Variants in ARMC2 observed in about 807,000 individuals in gnomAD.
ARMC2 encodes the protein armadillo repeat containing 2.
In ARMC2, 67 loss-of-function variants were observed where a neutral mutation model predicts 90.3. That is an observed-to-expected ratio of 0.74 (90% CI 0.61 to 0.91). The LOEUF is 0.91. Ranked by LOEUF, ARMC2 falls within the 40% of genes least tolerant of loss-of-function variation. The pLI is 0.00. For missense variants in ARMC2, 920 were observed against 1,030.9 expected, an observed-to-expected ratio of 0.89 and a Z score of 1.47; for synonymous variants, 393 against 393.0, an observed-to-expected ratio of 1.00 and a Z score of 0.00.
chr6:108,893,460 G>T (rs1333887536), intron 5 of ARMC2, among the ~76,000 whole-genome samples: 10 of 152,170 alleles, frequency 6.6e-5, no homozygotes, highest in Admixed American at 6.5e-4. Flanking sequence ...TATCTGCAGG[G>T]ATCGGGGAAG....
At chr6:109,046,157 T>A in the ARMC2 span, among the ~76,000 whole-genome samples, 1 of 151,828 alleles carries the variant, frequency 6.6e-6, no homozygotes, top group African/African-American at 2.4e-5. Context: ...GAAGCTGGAC[T>A]GTACTGCTGC....
chr6:108,916,082 A>G (rs1773935337), intron 10 of ARMC2, among the ~76,000 whole-genome samples: 1 of 12,172 alleles, frequency 8.2e-5, no homozygotes, highest in Middle Eastern at 0.071. Context: ...GCTTAGAGGA[A>G]AAAAAAACAC....
chr6:108,967,098 G>A (rs1778424969), intron 17 of ARMC2, among the ~76,000 whole-genome samples: 1 of 152,198 alleles, frequency 6.6e-6, no homozygotes, highest in Admixed American at 6.5e-5. Flanking sequence ...TCTGCTGTTA[G>A]GGAAAGAATT....
chr6:109,036,797 A>C, the ARMC2 span, among the ~76,000 whole-genome samples: 14 of 152,290 alleles, frequency 9.2e-5, no homozygotes, highest in East Asian at 3.9e-4. Context: ...CCATTAGTAG[A>C]GTATCATATG....
chr6:108,909,534 C>T (rs1035083525), intron 8 of ARMC2, among the ~76,000 whole-genome samples: 5 of 151,746 alleles, frequency 3.3e-5, no homozygotes, highest in Admixed American at 2.0e-4. Flanking sequence ...AGAGAATTTT[C>T]TTTTCTTTTT....
the ARMC2 span, among the ~76,000 whole-genome samples, chr6:109,046,612 G>A: frequency 3.5e-5 from 5 of 141,036 alleles, no homozygotes; most frequent in Non-Finnish European, 7.9e-5. Context: ...GTCTGCGCCC[G>A]GCCGCCATCC....
chr6:108,994,926 G>C, the ARMC2 span, among the ~76,000 whole-genome samples: 3 of 151,924 alleles, frequency 2.0e-5, no homozygotes, highest in Non-Finnish European at 2.9e-5. Context: ...GAATGGTCTC[G>C]ATCTCCTGAC....
At chr6:109,022,198 T>C in the ARMC2 span, among the ~76,000 whole-genome samples, 1 of 152,138 alleles carries the variant, frequency 6.6e-6, no homozygotes, top group African/African-American at 2.4e-5. Context: ...GAATGAAGAA[T>C]GCCTTAAGCT....
chr6:108,964,414 T>C, intron 16 of ARMC2, 102 bp downstream of exon 16: 1 of 1,356,998 alleles, frequency 7.4e-7, no homozygotes, highest in Non-Finnish European at 1.0e-6. Flanking sequence ...CAAAGGTATT[T>C]CAACATTGGG....
At chr6:108,988,963 C>T in the ARMC2 span, among the ~76,000 whole-genome samples, 2 of 152,096 alleles carry the variant, frequency 1.3e-5, no homozygotes, top group Non-Finnish European at 2.9e-5. Context: ...GGGTACCAAG[C>T]AATAGTGTAT....
At chr6:108,858,804 C>A (rs967358076) in intron 3 of ARMC2, among the ~76,000 whole-genome samples, 1 of 152,110 alleles carries the variant, frequency 6.6e-6, no homozygotes, top group Non-Finnish European at 1.5e-5. Flanking sequence ...TAAGCTCTTT[C>A]GACACATCCT....
chr6:108,882,816 T>C (rs927912868), intron 5 of ARMC2, among the ~76,000 whole-genome samples: 9 of 152,228 alleles, frequency 5.9e-5, no homozygotes, highest in Non-Finnish European at 1.0e-4. Flanking sequence ...CCTTTGCGTA[T>C]ATTAAGTCAT....
chr6:108,998,474 G>A, the ARMC2 span: 2 of 1,608,034 alleles, frequency 1.2e-6, no homozygotes. Context: ...CAATTATTGT[G>A]ATTAGTTTTA....
chr6:108,856,146 CTT>C (rs1349735998), intron 2 of ARMC2, among the ~76,000 whole-genome samples: 2 of 152,060 alleles, frequency 1.3e-5, no homozygotes, highest in Non-Finnish European at 2.9e-5. Context: ...GTTTTCTAGA[CTT>C]TGTCCTATGT....
intron 10 of ARMC2, among the ~76,000 whole-genome samples, chr6:108,920,811 G>A (rs1037070360): frequency 2.0e-5 from 3 of 152,136 alleles, no homozygotes; most frequent in South Asian, 2.1e-4. Context: ...TGTTCTGATG[G>A]CAGCTCACTT....
Position 108,904,395 on chromosome 6 carries a change from T to C in ARMC2, c.1013T>C (p.Ile338Thr). 2.5e-6 allele frequency: 4 copies of C among 1,602,948 alleles called. No homozygotes were observed. Among genetic ancestry groups the C allele is most frequent in the Non-Finnish European group, 2.5e-6 (3 of 1,176,526 alleles). ...TCGCTCAGCCTTAAACTTGCAAAAA[T>C]AATTCTAGCAGTAAGTTTTTCTTTC... Reference protein sequence around the residue: ...SDSLSLKLAKIILALKVSRKN... With the variant: ...SDSLSLKLAKTILALKVSRKN... Residue 338 changes from isoleucine to threonine, a missense_variant, in exon 8 of 18, where the codon ATA becomes ACA. Physicochemically the swap from Ile to Thr is moderately conservative, Grantham distance 89 (BLOSUM62 -1). Coordinates refer to ENST00000392644, the MANE Select transcript of ARMC2 (RefSeq NM_032131.6).
intron 17 of ARMC2, among the ~76,000 whole-genome samples, chr6:108,967,896 C>G (rs1374551423): frequency 6.6e-6 from 1 of 152,154 alleles, no homozygotes; most frequent in African/African-American, 2.4e-5. Flanking sequence ...TCCTGCCTGC[C>G]CATCCCAATC....
chr6:108,852,166 T>C (rs929917307), intron 1 of ARMC2, among the ~76,000 whole-genome samples: 2 of 152,208 alleles, frequency 1.3e-5, no homozygotes, highest in African/African-American at 4.8e-5. Flanking sequence ...AAAAACCATC[T>C]ATAATAATTT....
chr6:108,936,246 T>G (rs1300889472), intron 11 of ARMC2, among the ~76,000 whole-genome samples: 5 of 151,870 alleles, frequency 3.3e-5, no homozygotes, highest in Non-Finnish European at 7.4e-5. Context: ...TGTATAGGTT[T>G]TTTGTTTGTT....
Sources: gnomAD v4.1 joint callset for allele counts (sites outside exome capture counted in the v4.1 genomes callset) on GRCh38, gnomAD v4.1.1 for gene constraint, MANE v1.5 for transcripts, NCBI Gene and HGNC (gene_info 2026-07-23, HGNC 2026-07-21) for gene names.